Variants in SLC16A9 observed in about 807,000 individuals in gnomAD.
The protein encoded by SLC16A9 is monocarboxylate transporter 9.
Under a neutral mutation model 44.3 loss-of-function variants are expected in SLC16A9, and 26 were observed. The observed-to-expected ratio is 0.59, with a 90% CI of 0.43 to 0.81. SLC16A9 has a LOEUF of 0.81. Among genes scored for constraint, SLC16A9 ranks in the 40% least tolerant of loss-of-function variants. The pLI is 0.00. For synonymous variants in SLC16A9, 230 were observed against 225.1 expected (o/e 1.02, Z -0.19); for missense variants, 559 against 595.8 (o/e 0.94, Z 0.64).
chr10:59,695,268 A>G (rs1402545374), intron 1 of SLC16A9, among the ~76,000 whole-genome samples: 1 of 152,166 alleles, frequency 6.6e-6, no homozygotes, highest in African/African-American at 2.4e-5. Context: ...TGAATATACT[A>G]AAGCCATCAA....
At chr10:59,681,103 T>C (rs539109379) in intron 2 of SLC16A9, among the ~76,000 whole-genome samples, 5 of 152,206 alleles carry the variant, frequency 3.3e-5, no homozygotes, top group African/African-American at 1.2e-4. Context: ...CCATAGATGA[T>C]CCTAATTATC....
intron 2 of SLC16A9, among the ~76,000 whole-genome samples, chr10:59,681,783 GATGTATATGTATATGTATATGTATATGTA>G (rs1840023579): frequency 5.9e-4 from 3 of 5,100 alleles, no homozygotes; most frequent in African/African-American, 7.5e-4. Context: ...ATATGTATAT[GATGTATATGTATATGTATATGTATATGTA>G]TATATGATGT....
intron 1 of SLC16A9, among the ~76,000 whole-genome samples, chr10:59,693,672 T>C (rs1373615198): frequency 6.6e-6 from 1 of 152,096 alleles, no homozygotes; most frequent in Non-Finnish European, 1.5e-5. Context: ...CAGGCTGGAG[T>C]GCAGTGGCGT....
chr10:59,666,894 CAG>C (rs1839631933), intron 3 of SLC16A9, among the ~76,000 whole-genome samples: 1 of 140,256 alleles, frequency 7.1e-6, no homozygotes. Context: ...AAAAAACACA[CAG>C]AATTTTGGAA....
In SLC16A9 at chr10:59,665,282, G is replaced by A. The variant is rs111686483; in HGVS notation, c.341-960C>T. 3.6e-3 allele frequency among the ~76,000 whole-genome samples: 543 copies of A among 152,212 alleles called. 2 individuals are homozygous for A. Among genetic ancestry groups the A allele is most frequent in the African/African-American group, 0.013 (520 of 41,544 alleles). On this transcript the variant is annotated intron_variant, in intron 3 of 5. Transcript: ENST00000395348. ...AGGATCACTCTAAAACAACAAATAA[G>A]CCATAGTCTAATAACTGAATTTTAA...
rs17776046 is a variant in SLC16A9 at position 59,652,443 on chromosome 10, G to A, written c.*329C>T. On this transcript the variant is annotated 3_prime_UTR_variant, in exon 6 of 6. Coordinates refer to ENST00000395348, the MANE Select transcript of SLC16A9 (RefSeq NM_194298.3). ...GCCTTGCAGTGGATTAAATGGAGTC[G>A]GCAGAGAAATTATACTTCTTTACAC... 0.29 allele frequency: 50,079 copies of A among 173,462 alleles called. 8,483 individuals are homozygous for A. Among genetic ancestry groups the A allele is most frequent in the Middle Eastern group, 0.44 (175 of 396 alleles). 10.7% of individuals were successfully genotyped at this position (173,462 alleles called of 1,614,324 possible).
intron 1 of SLC16A9, among the ~76,000 whole-genome samples, chr10:59,708,126 A>G (rs1840685410): frequency 6.6e-6 from 1 of 152,202 alleles, no homozygotes. Flanking sequence ...CCTACTTGCG[A>G]GGACTTTTTT....
At chr10:59,653,605 GGA>G in intron 5 of SLC16A9, 68 bp downstream of exon 5, 2 of 1,310,390 alleles carry the variant, frequency 1.5e-6, no homozygotes, top group Non-Finnish European at 1.1e-6. Context: ...ATTACAATCT[GGA>G]CCTCTATATC....
rs536912030 is a variant in SLC16A9 at position 59,687,762 on chromosome 10, GC to G, written c.-36-3436del. ...AATGGCTTGAGCCCAGGAGTTCGAGGCCAGCCTGGGCAACATAGTGAAACTC... is the reference window on the plus strand; with the variant it reads ...AATGGCTTGAGCCCAGGAGTTCGAGGCAGCCTGGGCAACATAGTGAAACTC... On this transcript the variant is annotated intron_variant, in intron 1 of 5. Transcript: ENST00000395348. Among the ~76,000 whole-genome samples, 635 of 152,152 alleles carry G rather than the reference GC, an allele frequency of 4.2e-3. 2 individuals carry two copies. The highest frequency in any genetic ancestry group is 7.3e-3 in the South Asian group (35 of 4,816).
rs1046927254 is a variant in SLC16A9, at chr10:59,652,633, AT to A, written c.*138del. ...TAAAAAATAGGATATATAAAAAAAAATAATTCATTCAGAGTCAGTCATTGTG... is the reference window on the plus strand; with the variant it reads ...TAAAAAATAGGATATATAAAAAAAAAAATTCATTCAGAGTCAGTCATTGTG... On this transcript the variant is annotated 3_prime_UTR_variant, in exon 6 of 6. Coordinates refer to ENST00000395348, the MANE Select transcript of SLC16A9 (RefSeq NM_194298.3). The A allele has an allele frequency of 1.5e-5, 11 of 719,184 alleles. No homozygotes were observed. Among genetic ancestry groups the A allele is most frequent in the Middle Eastern group, 4.0e-4 (1 of 2,488 alleles). 44.6% of individuals were successfully genotyped at this position (719,184 alleles called of 1,614,324 possible). A position where few individuals can be genotyped will look rare whatever the true frequency, so the allele number is the denominator to read the frequency against.
At chr10:59,668,390 G>A (rs1268087261) in intron 3 of SLC16A9, among the ~76,000 whole-genome samples, 1 of 152,036 alleles carries the variant, frequency 6.6e-6, no homozygotes, top group Non-Finnish European at 1.5e-5. Context: ...CCTTCCAACC[G>A]TATCCACTTG....
chr10:59,668,503 A>T (rs1839674243), intron 3 of SLC16A9, among the ~76,000 whole-genome samples: 1 of 152,324 alleles, frequency 6.6e-6, no homozygotes, highest in Admixed American at 6.5e-5. Context: ...GCTTCCTTTC[A>T]TCATTGCACT....
At chr10:59,664,508 T>C (rs1839564300) in intron 3 of SLC16A9, among the ~76,000 whole-genome samples, 186 bp from the exon 4 acceptor site, 1 of 152,156 alleles carries the variant, frequency 6.6e-6, no homozygotes, top group Admixed American at 6.6e-5. Context: ...GCCTCATTTT[T>C]CACCCCACAC....
At chr10:59,677,840 C>T (rs1235866611) in intron 2 of SLC16A9, among the ~76,000 whole-genome samples, 1 of 151,836 alleles carries the variant, frequency 6.6e-6, no homozygotes, top group East Asian at 1.9e-4. Flanking sequence ...AACTCAACCT[C>T]CACGCACTTT....
intron 1 of SLC16A9, among the ~76,000 whole-genome samples, chr10:59,706,443 G>A (rs1840637770): frequency 6.6e-6 from 1 of 152,122 alleles, no homozygotes; most frequent in African/African-American, 2.4e-5. Context: ...AAACAATACA[G>A]TGGTTCCTCA....
At chr10:59,682,886 T>G (rs1014002782) in intron 2 of SLC16A9, among the ~76,000 whole-genome samples, 36 of 152,280 alleles carry the variant, frequency 2.4e-4, no homozygotes, top group Non-Finnish European at 4.9e-4. Flanking sequence ...TATTATTTTT[T>G]TTTGTTTACT....
At position 59,677,966 on chromosome 10, in the gene SLC16A9, A is replaced by G. The variant is rs536226165; in HGVS notation, c.197-5053T>C. On this transcript the variant is annotated intron_variant, in intron 2 of 5. Transcript: ENST00000395348. ...TTAGTTACATATGTATACATGTGCC[A>G]TGCTGGTGCGCTGCACCCACTAACT... Among the ~76,000 whole-genome samples the G allele has an allele frequency of 5.7e-4, 87 of 151,976 alleles. No individual in the cohort carries two copies. In the South Asian group the frequency reaches 0.011, roughly 19 times the overall value.
At chr10:59,699,013 G>A (rs574570900) in intron 1 of SLC16A9, among the ~76,000 whole-genome samples, 2 of 152,182 alleles carry the variant, frequency 1.3e-5, no homozygotes, top group East Asian at 3.9e-4. Context: ...CGAAGTGCTG[G>A]GATTACAACA....
chr10:59,653,202 G>A (rs994177965), intron 5 of SLC16A9, among the ~76,000 whole-genome samples: 1 of 151,454 alleles, frequency 6.6e-6, no homozygotes, highest in Admixed American at 6.6e-5. Context: ...GGCGGATCAC[G>A]AGGTCAGGAG....
Sources: gnomAD v4.1 joint callset for allele counts (sites outside exome capture counted in the v4.1 genomes callset) on GRCh38, gnomAD v4.1.1 for gene constraint, MANE v1.5 for transcripts, NCBI Gene and HGNC (gene_info 2026-07-23, HGNC 2026-07-21) for gene names.